The following CAMTA1 variants were observed in gnomAD, a reference collection of about 807,000 sequenced individuals.
CAMTA1 encodes calmodulin-binding transcription activator 1.
In CAMTA1, 27 loss-of-function variants were observed where a neutral mutation model predicts 170.9. The ratio of observed to expected loss-of-function variants is 0.16; its 90% CI spans 0.12 to 0.22. The LOEUF is 0.22. Among genes scored for constraint, CAMTA1 ranks in the 10% least tolerant of loss-of-function variants. The probability of loss-of-function intolerance (pLI) is 1.00; values close to 1 mark genes in which losing one functional copy is unlikely to be tolerated. For synonymous variants in CAMTA1, 833 were observed against 891.5 expected (o/e 0.93, Z 1.17); for missense variants, 1,619 against 2,217.2 (o/e 0.73, Z 5.42).
chr1:7,128,860 A>G (rs144368347), intron 4 of CAMTA1, among the ~76,000 whole-genome samples: 3,266 of 66,980 alleles, frequency 0.049, 164 homozygotes, highest in African/African-American at 0.16. Context: ...TTTTTTTTTG[A>G]GACAAGGTCT....
intron 11 of CAMTA1, among the ~76,000 whole-genome samples, chr1:7,692,215 G>C (rs2149416255): frequency 6.6e-6 from 1 of 152,286 alleles, no homozygotes; most frequent in African/African-American, 2.4e-5. Context: ...GCAGAAGCTT[G>C]ACCCTCTGCT....
At chr1:7,465,113 C>G (rs1213561815) in intron 5 of CAMTA1, among the ~76,000 whole-genome samples, 1 of 152,176 alleles carries the variant, frequency 6.6e-6, no homozygotes, top group Non-Finnish European at 1.5e-5. Flanking sequence ...TTCAGGGTGC[C>G]ACGGGCAAAA....
chr1:7,640,537 G>T lies in CAMTA1; in HGVS notation c.648G>T (p.Gly216=), dbSNP rs1312226646. The T allele has an allele frequency of 6.2e-7, 1 of 1,614,102 alleles. No individual in the cohort carries two copies. Among genetic ancestry groups the T allele is most frequent in the Non-Finnish European group, 8.5e-7 (1 of 1,180,044 alleles). ...WAKWTKEELI[G]QLKPMFHGIK... ...AATGGACGAAAGAAGAGCTCATCGGGCAGCTGAAACCCATGTGTGAGTGGC... is the reference window on the plus strand; with the variant it reads ...AATGGACGAAAGAAGAGCTCATCGGTCAGCTGAAACCCATGTGTGAGTGGC... Residue 216 remains glycine (G), a synonymous_variant, in exon 7 of 23, where the codon GGG becomes GGT. Transcript: ENST00000303635.
chr1:7,165,391 C>T (rs896309470), intron 4 of CAMTA1, among the ~76,000 whole-genome samples: 1 of 152,084 alleles, frequency 6.6e-6, no homozygotes, highest in African/African-American at 2.4e-5. Context: ...AATTTCCTTC[C>T]CTCTGGCCCC....
At chr1:7,243,043 T>C (rs1043018948) in intron 4 of CAMTA1, among the ~76,000 whole-genome samples, 4 of 152,222 alleles carry the variant, frequency 2.6e-5, no homozygotes. Flanking sequence ...TTGTGTATAC[T>C]GAATTTGTAT....
intron 3 of CAMTA1, among the ~76,000 whole-genome samples, chr1:6,904,042 C>G (rs1203254968): frequency 2.6e-5 from 4 of 152,248 alleles, no homozygotes; most frequent in Non-Finnish European, 5.9e-5. Flanking sequence ...CTTGCTCACT[C>G]TACTCAGCAA....
At chr1:7,246,868 A>G (rs190001988) in intron 4 of CAMTA1, among the ~76,000 whole-genome samples, 27 of 152,026 alleles carry the variant, frequency 1.8e-4, no homozygotes, top group African/African-American at 6.0e-4. Context: ...GGGTTTCACC[A>G]TGTTGGCCAG....
At chr1:7,523,058 G>T (rs1388299277) in intron 6 of CAMTA1, among the ~76,000 whole-genome samples, 1 of 152,166 alleles carries the variant, frequency 6.6e-6, no homozygotes, top group East Asian at 1.9e-4. Flanking sequence ...GTAGAGATGG[G>T]GTTTCACCAT....
intron 4 of CAMTA1, among the ~76,000 whole-genome samples, chr1:7,154,915 C>T (rs1223030926): frequency 1.3e-5 from 2 of 152,166 alleles, no homozygotes; most frequent in South Asian, 2.1e-4. Flanking sequence ...CCACTCCAGC[C>T]GGGCTTGTGG....
At chr1:7,117,290 A>T (rs1644391215) in intron 4 of CAMTA1, among the ~76,000 whole-genome samples, 2 of 152,108 alleles carry the variant, frequency 1.3e-5, no homozygotes, top group Admixed American at 6.5e-5. Flanking sequence ...TTTTATACTC[A>T]CATTTCACTA....
chr1:7,170,622 T>C (rs1031603977), intron 4 of CAMTA1, among the ~76,000 whole-genome samples: 3 of 152,198 alleles, frequency 2.0e-5, no homozygotes, highest in South Asian at 2.1e-4. Flanking sequence ...GCTTCATCCA[T>C]GTCCCTGGAA....
chr1:7,143,005 T>C (rs527249298), intron 4 of CAMTA1, among the ~76,000 whole-genome samples: 38 of 152,220 alleles, frequency 2.5e-4, no homozygotes, highest in African/African-American at 8.2e-4. Context: ...AAGGTTCACA[T>C]TGGGGAACCT....
chr1:7,498,881 TAG>T (rs1490921926), intron 6 of CAMTA1, among the ~76,000 whole-genome samples: 10 of 146,616 alleles, frequency 6.8e-5, no homozygotes, highest in Non-Finnish European at 9.0e-5. Flanking sequence ...AGTGAGTGTG[TAG>T]AGAGGATGGT....
chr1:7,037,148 A>T (rs534168574), intron 3 of CAMTA1, among the ~76,000 whole-genome samples: 16 of 152,226 alleles, frequency 1.1e-4, no homozygotes, highest in Non-Finnish European at 1.3e-4. Flanking sequence ...AAGAGAGACG[A>T]TACACTTGCT....
At chr1:7,111,122 C>T (rs1644011412) in intron 4 of CAMTA1, among the ~76,000 whole-genome samples, 3 of 152,228 alleles carry the variant, frequency 2.0e-5, no homozygotes, top group African/African-American at 4.8e-5. Context: ...CTCTGGCTCT[C>T]TTTCTCTGAC....
intron 6 of CAMTA1, among the ~76,000 whole-genome samples, chr1:7,509,385 G>T (rs575365779): frequency 6.6e-6 from 1 of 152,134 alleles, no homozygotes; most frequent in Admixed American, 6.5e-5. Flanking sequence ...GGGGTCGGGG[G>T]AGCCAGGATT....
chr1:7,321,192 T>C (rs1041455059), intron 5 of CAMTA1, among the ~76,000 whole-genome samples: 2 of 152,242 alleles, frequency 1.3e-5, no homozygotes, highest in African/African-American at 4.8e-5. Context: ...TGAATTTTTA[T>C]GGAAGTGACT....
At chr1:7,666,640 G>A (rs1358356132) in intron 9 of CAMTA1, among the ~76,000 whole-genome samples, 4 of 152,226 alleles carry the variant, frequency 2.6e-5, no homozygotes, top group Non-Finnish European at 4.4e-5. Flanking sequence ...TGCACCACGG[G>A]CCCTGATTGG....
intron 4 of CAMTA1, among the ~76,000 whole-genome samples, chr1:7,180,803 C>T (rs770953257): frequency 1.8e-4 from 27 of 152,286 alleles, no homozygotes; most frequent in Non-Finnish European, 2.9e-4. Context: ...TGAGCCACCA[C>T]ACCTGGTCCA....
Sources: gnomAD v4.1 joint callset for allele counts (sites outside exome capture counted in the v4.1 genomes callset) on GRCh38, gnomAD v4.1.1 for gene constraint, MANE v1.5 for transcripts, NCBI Gene and HGNC (gene_info 2026-07-23, HGNC 2026-07-21) for gene names.